Variants in EPG5 observed in about 807,000 individuals in gnomAD.
EPG5 encodes the protein ectopic P-granules 5 autophagy tethering factor.
Under a neutral mutation model 302.7 loss-of-function variants are expected in EPG5, and 159 were observed. That is an observed-to-expected ratio of 0.53 (90% confidence interval 0.46 to 0.60). The LOEUF (loss-of-function observed/expected upper bound fraction) is 0.60, where lower values mean the gene tolerates loss of function less well. Among genes scored for constraint, EPG5 ranks in the 20% least tolerant of loss-of-function variants. The pLI, the probability that EPG5 is intolerant of heterozygous loss-of-function variation, is 0.00. For missense variants in EPG5, 2,896 were observed against 3,092.4 expected (o/e 0.94, Z 1.51); for synonymous variants, 1,158 against 1,136.8 (o/e 1.02, Z -0.37).
intron 1 of EPG5, among the ~76,000 whole-genome samples, chr18:45,958,586 G>C (rs1038415539): frequency 6.6e-6 from 1 of 152,138 alleles, no homozygotes; most frequent in Non-Finnish European, 1.5e-5. Flanking sequence ...AACAAATGGT[G>C]CTACAACAAC....
intron 39 of EPG5, among the ~76,000 whole-genome samples, chr18:45,864,479 ATAT>A (rs1353118387): frequency 6.6e-6 from 1 of 152,204 alleles, no homozygotes; most frequent in African/African-American, 2.4e-5. Context: ...TTATTTCAGC[ATAT>A]AATAAAAATA....
At position 45,900,246 on chromosome 18, in the gene EPG5, C is replaced by A. The variant is rs557150161; in HGVS notation, c.4647-680G>T. ...TGAAACCCCATCTCTACTAAAAATA[C>A]AAAAAATTAGCCAGGCGTGGTAGTG... On this transcript the variant is annotated intron_variant, in intron 26 of 43. Coordinates refer to ENST00000282041, the MANE Select transcript of EPG5 (RefSeq NM_020964.3). Among the ~76,000 whole-genome samples the A allele has an allele frequency of 5.9e-5, 9 of 151,880 alleles. No individual in the cohort carries two copies. The South Asian group carries it at 1.9e-3, about 32-fold the overall frequency.
At chr18:45,938,954 T>TG (rs1352022314) in intron 10 of EPG5, among the ~76,000 whole-genome samples, 1 of 151,976 alleles carries the variant, frequency 6.6e-6, no homozygotes, top group Non-Finnish European at 1.5e-5. Context: ...CACAGCTGGG[T>TG]GGGGGTGGAG....
At chr18:45,941,683 A>G (rs186443458) in intron 9 of EPG5, among the ~76,000 whole-genome samples, 196 of 152,354 alleles carry the variant, frequency 1.3e-3, no homozygotes, top group Middle Eastern at 3.4e-3. Context: ...GAATAAAATA[A>G]GAAATCACAG....
intron 43 of EPG5, among the ~76,000 whole-genome samples, chr18:45,854,549 T>C (rs1025446300): frequency 6.6e-6 from 1 of 152,004 alleles, no homozygotes; most frequent in African/African-American, 2.4e-5. Context: ...TCTTTCCTCA[T>C]CCAAAAAACC....
In EPG5 at chr18:45,939,588, T is replaced by C. The variant is rs534978097; in HGVS notation, c.2099+12A>G. ...TTACTTCTCACTAAATATCATCATA[T>C]GTCTTACTTACCTTTTGGCCTTCAG... On this transcript the variant is annotated intron_variant, in intron 10 of 43. Transcript: ENST00000282041. 1.1e-5 allele frequency: 17 copies of C among 1,613,576 alleles called. No individual in the cohort carries two copies. In the South Asian group the frequency reaches 1.5e-4, roughly 15 times the overall value.
intron 12 of EPG5, among the ~76,000 whole-genome samples, chr18:45,930,361 A>AG (rs2145816643): frequency 6.6e-6 from 1 of 152,240 alleles, no homozygotes; most frequent in Admixed American, 6.5e-5. Context: ...AGAGTGGAAG[A>AG]GTTTAGTTGA....
chr18:45,835,535 G>T, the EPG5 span, among the ~76,000 whole-genome samples: 2 of 152,194 alleles, frequency 1.3e-5, no homozygotes, highest in East Asian at 1.9e-4. Context: ...GCCATGAAAT[G>T]TAACAAACTG....
At chr18:45,865,356 C>T (rs1435637475) in intron 39 of EPG5, among the ~76,000 whole-genome samples, 1 of 152,168 alleles carries the variant, frequency 6.6e-6, no homozygotes, top group Non-Finnish European at 1.5e-5. Flanking sequence ...ATGCCGCTCA[C>T]TGAAAGGTCT....
chr18:45,860,252 G>C lies in EPG5; in HGVS notation c.6861C>G (p.Phe2287Leu). The C allele has an allele frequency of 1.2e-6, 2 of 1,614,230 alleles. No individual in the cohort carries two copies. Among genetic ancestry groups the C allele is most frequent in the Non-Finnish European group, 1.7e-6 (2 of 1,180,040 alleles). ...MNNATIPTAE[F>L]LRGSIRTWIG... Reference sequence around the variant, plus strand: ...TCCAGGTCCGGATACTGCCCCGAAGGAACTCTGCTGTTGGAATAGTCGCGT... The same window carrying C: ...TCCAGGTCCGGATACTGCCCCGAAGCAACTCTGCTGTTGGAATAGTCGCGT... The change falls in exon 40 of 44, where the codon TTC becomes TTG. Residue 2287 changes from phenylalanine (F) to leucine (L), a missense_variant. Around this residue, in one of 5 missense-constraint regions of EPG5, gnomAD observed 620 missense variants for 704.2 expected, o/e 0.88. Coordinates refer to ENST00000282041, the MANE Select transcript of EPG5 (RefSeq NM_020964.3).
intron 35 of EPG5, among the ~76,000 whole-genome samples, 198 bp downstream of exon 35, chr18:45,876,038 C>T (rs1480915312): frequency 6.9e-6 from 1 of 145,810 alleles, no homozygotes; most frequent in Non-Finnish European, 1.5e-5. Flanking sequence ...GCCTGGGCGA[C>T]AGAGCAAGAC....
chr18:45,853,316 CTG>C (rs750255435), intron 43 of EPG5, among the ~76,000 whole-genome samples: 4 of 152,222 alleles, frequency 2.6e-5, no homozygotes, highest in Non-Finnish European at 4.4e-5. Flanking sequence ...ATGGCAGAAA[CTG>C]TTTCCATGCC....
chr18:45,884,450 A>G (rs1046536940), intron 30 of EPG5, among the ~76,000 whole-genome samples, 167 bp downstream of exon 30: 7 of 152,202 alleles, frequency 4.6e-5, no homozygotes, highest in Non-Finnish European at 1.0e-4. Flanking sequence ...CCTAAGAAGC[A>G]GCTGTGGGGT....
intron 24 of EPG5, among the ~76,000 whole-genome samples, chr18:45,905,580 T>C (rs1599540143): frequency 6.6e-6 from 1 of 152,228 alleles, no homozygotes; most frequent in South Asian, 2.1e-4. Context: ...GCCAAGTAAC[T>C]GTTAACAGAG....
chr18:45,952,156 A>G (rs891021842), intron 3 of EPG5, among the ~76,000 whole-genome samples: 26 of 152,210 alleles, frequency 1.7e-4, no homozygotes, highest in Non-Finnish European at 1.8e-4. Context: ...AATGATAGAT[A>G]GTGAGCTTTT....
chr18:45,821,230 G>A, the EPG5 span, among the ~76,000 whole-genome samples: 2 of 152,218 alleles, frequency 1.3e-5, no homozygotes, highest in Admixed American at 1.3e-4. Context: ...CTGTAAACAT[G>A]TGTTTCCTGT....
the EPG5 span, among the ~76,000 whole-genome samples, chr18:45,816,772 A>T: frequency 6.6e-6 from 1 of 152,236 alleles, no homozygotes; most frequent in South Asian, 2.1e-4. Flanking sequence ...CTGGGTGTCT[A>T]CTCAGAGGAA....
At chr18:45,963,579 G>A (rs570242062) in intron 1 of EPG5, among the ~76,000 whole-genome samples, 1 of 152,242 alleles carries the variant, frequency 6.6e-6, no homozygotes, top group South Asian at 2.1e-4. Context: ...AGGTTGCAGT[G>A]AGCCAAGATC....
chr18:45,892,935 G>C (rs2049384329), intron 27 of EPG5, among the ~76,000 whole-genome samples: 1 of 152,002 alleles, frequency 6.6e-6, no homozygotes, highest in Non-Finnish European at 1.5e-5. Flanking sequence ...ATCTAATCTA[G>C]AATGTTAAGA....
Sources: gnomAD v4.1 joint callset for allele counts (sites outside exome capture counted in the v4.1 genomes callset) on GRCh38, gnomAD v4.1.1 for gene constraint, gnomAD v4.1.1 regional missense constraint, MANE v1.5 for transcripts, NCBI Gene and HGNC (gene_info 2026-07-23, HGNC 2026-07-21) for gene names.